The following FAM13A variants were observed in gnomAD, a reference collection of about 807,000 sequenced individuals.
FAM13A encodes family with sequence similarity 13 member A.
FAM13A carries 76 observed loss-of-function variants against 129.6 expected under a neutral mutation model. The ratio of observed to expected loss-of-function variants is 0.59; its 90% CI spans 0.49 to 0.71. The LOEUF is 0.71. FAM13A is among the 30% of genes least tolerant of loss of function. The pLI is 0.00. For missense variants in FAM13A, 1,108 were observed against 1,249.3 expected, an observed-to-expected ratio of 0.89 and a Z score of 1.70; for synonymous variants, 443 against 449.9, an observed-to-expected ratio of 0.98 and a Z score of 0.20.
chr4:88,804,035 T>A (rs1728061691), intron 8 of FAM13A, among the ~76,000 whole-genome samples: 1 of 152,072 alleles, frequency 6.6e-6, no homozygotes, highest in African/African-American at 2.4e-5. Flanking sequence ...GGCGGGTGGA[T>A]CACGAGGTCA....
chr4:88,752,112 G>A (rs976774054), intron 14 of FAM13A, among the ~76,000 whole-genome samples: 1 of 152,142 alleles, frequency 6.6e-6, no homozygotes, highest in Admixed American at 6.5e-5. Flanking sequence ...CTACCAGCAC[G>A]CAGGCTCCTC....
chr4:88,781,403 G>T (rs1479052666), intron 10 of FAM13A, 52 bp from the exon 11 acceptor site: 1 of 1,268,476 alleles, frequency 7.9e-7, no homozygotes, highest in Non-Finnish European at 1.1e-6. Context: ...AATGGTCATT[G>T]AATGATACTC....
intron 6 of FAM13A, among the ~76,000 whole-genome samples, chr4:88,901,500 C>A (rs370784376): frequency 8.5e-5 from 13 of 152,102 alleles, no homozygotes; most frequent in African/African-American, 3.1e-4. Flanking sequence ...CAAAACCACA[C>A]AACTACATGG....
In FAM13A at chr4:89,020,732, T is replaced by A. The variant is rs542505235; in HGVS notation, c.218-63A>T. On this transcript the variant is annotated intron_variant, in intron 2 of 23. Coordinates refer to ENST00000264344, the MANE Select transcript of FAM13A (RefSeq NM_014883.4). ...TCTCACAGACATGAAACGTAAAGAA[T>A]GATAACAACACAAAGAAAGAAATCT... The A allele has an allele frequency of 4.8e-6, 5 of 1,051,086 alleles. No individual in the cohort carries two copies. The East Asian group carries it at 1.2e-4, about 25-fold the overall frequency. The allele number at this position is 1,051,086 out of a possible 1,614,324, so 65.1% of individuals were successfully genotyped here. A position where few individuals can be genotyped will look rare whatever the true frequency, so the allele number is the denominator to read the frequency against.
intron 6 of FAM13A, among the ~76,000 whole-genome samples, chr4:88,871,474 A>G (rs541991850): frequency 6.6e-6 from 1 of 152,358 alleles, no homozygotes; most frequent in South Asian, 2.1e-4. Flanking sequence ...GCTGAAAACC[A>G]TGGCACAAGA....
chr4:88,977,779 A>G (rs1761103148), intron 4 of FAM13A, among the ~76,000 whole-genome samples: 1 of 152,152 alleles, frequency 6.6e-6, no homozygotes, highest in African/African-American at 2.4e-5. Flanking sequence ...ACTTACTAAC[A>G]CTAATAGCTG....
intron 4 of FAM13A, among the ~76,000 whole-genome samples, chr4:88,954,189 T>C (rs1757378684): frequency 1.3e-5 from 2 of 152,224 alleles, no homozygotes; most frequent in Admixed American, 1.3e-4. Flanking sequence ...TGAGGTGCTA[T>C]ATACTCCTGT....
intron 7 of FAM13A, among the ~76,000 whole-genome samples, chr4:88,821,177 C>T (rs1031257853): frequency 4.6e-5 from 7 of 152,148 alleles, no homozygotes; most frequent in Non-Finnish European, 2.9e-5. Flanking sequence ...GCACGCTTAA[C>T]AAAGACAACC....
intron 4 of FAM13A, among the ~76,000 whole-genome samples, chr4:88,966,076 G>A (rs779675685): frequency 6.6e-6 from 1 of 152,202 alleles, no homozygotes; most frequent in Non-Finnish European, 1.5e-5. Context: ...TTACCCAGAA[G>A]TGGATCATGT....
At chr4:88,793,224 A>C (rs2149685626) in intron 8 of FAM13A, among the ~76,000 whole-genome samples, 1 of 152,160 alleles carries the variant, frequency 6.6e-6, no homozygotes, top group African/African-American at 2.4e-5. Flanking sequence ...TGAAGGTAGG[A>C]TACGGAAAAC....
At chr4:88,828,668 C>T (rs1347892391) in intron 7 of FAM13A, among the ~76,000 whole-genome samples, 1 of 152,162 alleles carries the variant, frequency 6.6e-6, no homozygotes, top group Non-Finnish European at 1.5e-5. Flanking sequence ...TCTATAGATT[C>T]TGAAGTATAG....
At chr4:89,006,673 C>T (rs990569555) in intron 3 of FAM13A, among the ~76,000 whole-genome samples, 5 of 152,194 alleles carry the variant, frequency 3.3e-5, no homozygotes, top group African/African-American at 1.2e-4. Context: ...TTACACCCTG[C>T]CCTCTTGGTA....
chr4:88,824,304 T>TC (rs1320152676), intron 7 of FAM13A, among the ~76,000 whole-genome samples: 1 of 152,192 alleles, frequency 6.6e-6, no homozygotes, highest in African/African-American at 2.4e-5. Flanking sequence ...GCATGAGGTA[T>TC]CCCCTTCCCC....
intron 8 of FAM13A, among the ~76,000 whole-genome samples, chr4:88,802,277 A>G (rs929953661): frequency 2.6e-5 from 4 of 152,184 alleles, no homozygotes; most frequent in African/African-American, 9.7e-5. Flanking sequence ...GTAATCCCTA[A>G]TAAGCGTCTG....
chr4:88,929,302 C>A (rs767514792), intron 5 of FAM13A, among the ~76,000 whole-genome samples: 2 of 151,758 alleles, frequency 1.3e-5, no homozygotes. Flanking sequence ...AGACTTTTTT[C>A]TCTGGCTAAT....
In FAM13A at chr4:89,010,321, A is replaced by G. The variant is rs1579755384; in HGVS notation, c.427+10139T>C. Among the ~76,000 whole-genome samples the G allele has an allele frequency of 2.0e-5, 3 of 152,352 alleles. No individual in the cohort carries two copies. The South Asian group carries it at 6.2e-4, about 32-fold the overall frequency. ...CCAGGCTTTGTACCGAATAAACTCTAAACTTAATCATATTTTCTGAATTTC... is the reference window on the plus strand; with the variant it reads ...CCAGGCTTTGTACCGAATAAACTCTGAACTTAATCATATTTTCTGAATTTC... On this transcript the variant is annotated intron_variant, in intron 3 of 23. Transcript: ENST00000264344.
rs530442008 is a variant in FAM13A at position 88,921,073 on chromosome 4, G to C, written c.760-14611C>G. 9.2e-5 allele frequency among the ~76,000 whole-genome samples: 14 copies of C among 152,302 alleles called. No homozygotes were observed. In the South Asian group the frequency reaches 1.9e-3, roughly 20 times the overall value. ...ATGTGAAAAGACCAAATCTACGTCT[G>C]ATTGGTGTACCTGAAAGTGACGGGG... On this transcript the variant is annotated intron_variant, in intron 5 of 23. Coordinates refer to ENST00000264344, the MANE Select transcript of FAM13A (RefSeq NM_014883.4).
At chr4:89,045,563 T>C (rs1349841965) in intron 1 of FAM13A, among the ~76,000 whole-genome samples, 3 of 152,224 alleles carry the variant, frequency 2.0e-5, no homozygotes, top group African/African-American at 7.2e-5. Flanking sequence ...CACACAAAGA[T>C]ATATTATAAG....
chr4:88,746,215 T>C lies in FAM13A; in HGVS notation c.2466+717A>G, dbSNP rs556896803. Among the ~76,000 whole-genome samples the C allele has an allele frequency of 2.6e-4, 40 of 152,340 alleles. 1 individual carries two copies. In the South Asian group the frequency reaches 8.1e-3, roughly 31 times the overall value. On this transcript the variant is annotated intron_variant, in intron 19 of 23. Transcript: ENST00000264344. ...TTAAAAATTTGTTTTGTTAGGTCTCTGACAACATTATGAACAAAAGGTTAT... is the reference window on the plus strand; with the variant it reads ...TTAAAAATTTGTTTTGTTAGGTCTCCGACAACATTATGAACAAAAGGTTAT...
Sources: allele counts gnomAD v4.1 joint callset (sites outside exome capture counted in the v4.1 genomes callset), GRCh38; gene constraint gnomAD v4.1.1; transcripts MANE v1.5; gene names NCBI Gene and HGNC (gene_info 2026-07-23, HGNC 2026-07-21).